PCDHGB4: variants seen among roughly 807,000 people sequenced by gnomAD.
The protein encoded by PCDHGB4 is protocadherin gamma-B4.
A neutral mutation model predicts 60.5 loss-of-function variants in PCDHGB4; 38 were observed. The ratio of observed to expected loss-of-function variants is 0.63; its 90% CI spans 0.48 to 0.82. PCDHGB4 has a LOEUF of 0.82. Among genes scored for constraint, PCDHGB4 ranks in the 40% least tolerant of loss-of-function variants. The probability of loss-of-function intolerance (pLI) is 0.00; values close to 1 mark genes in which losing one functional copy is unlikely to be tolerated. For synonymous variants in PCDHGB4, 456 were observed against 509.7 expected, an observed-to-expected ratio of 0.89 and a Z score of 1.42; for missense variants, 1,109 against 1,209.6, an observed-to-expected ratio of 0.92 and a Z score of 1.23.
chr5:141,403,388 G>A (rs1376620471), intron 1 of PCDHGB4: 1 of 1,613,904 alleles, frequency 6.2e-7, no homozygotes, highest in African/African-American at 1.3e-5. Context: ...TAACGAAATC[G>A]CGGTTCCTGG....
intron 1 of PCDHGB4, chr5:141,440,036 A>T (rs540100930): frequency 6.5e-6 from 1 of 153,058 alleles, no homozygotes; most frequent in Non-Finnish European, 1.5e-5. Context: ...TGTCGAGGAC[A>T]TGCCCACTTG....
At chr5:141,472,412 G>C (rs1283620276) in intron 1 of PCDHGB4, among the ~76,000 whole-genome samples, 1 of 152,058 alleles carries the variant, frequency 6.6e-6, no homozygotes, top group Non-Finnish European at 1.5e-5. Context: ...GTGGTGGCAC[G>C]CACCTGTATC....
At chr5:141,409,755 G>C (rs2095312141) in intron 1 of PCDHGB4, 1 of 1,613,024 alleles carries the variant, frequency 6.2e-7, no homozygotes, top group Non-Finnish European at 8.5e-7. Flanking sequence ...TTCGCGCAGC[G>C]CGCCTTTGAT....
intron 2 of PCDHGB4, among the ~76,000 whole-genome samples, chr5:141,495,507 C>T (rs1380258502): frequency 6.6e-6 from 1 of 152,188 alleles, no homozygotes; most frequent in African/African-American, 2.4e-5. Context: ...TCCGTCTTTG[C>T]CACTTTCTCT....
chr5:141,467,084 A>T, intron 1 of PCDHGB4, among the ~76,000 whole-genome samples: 1 of 142,674 alleles, frequency 7.0e-6, no homozygotes, highest in African/African-American at 2.6e-5. Context: ...ACCAAGTCTC[A>T]CTCTGTCACA....
rs995968509 is a variant in PCDHGB4, at chr5:141,477,065, C to T, written c.2398-17742C>T. ...TCGGCTGGACTTCGAGGACACCAAA[C>T]TCCATGAGATTTACATCCAGGCCAA... On this transcript the variant is annotated intron_variant, in intron 1 of 3. Coordinates refer to ENST00000519479, the MANE Select transcript of PCDHGB4 (RefSeq NM_003736.4). The surrounding 1 kb of genome is among the most constrained non-coding windows in gnomAD (Gnocchi z 4.9). 15 of 1,614,144 alleles carry T rather than the reference C, an allele frequency of 9.3e-6. No homozygotes were observed. The highest frequency in any genetic ancestry group is 3.3e-5 in the Admixed American group (2 of 60,018).
At chr5:141,420,215 A>G in intron 1 of PCDHGB4, 2 of 1,612,096 alleles carry the variant, frequency 1.2e-6, no homozygotes, top group South Asian at 1.1e-5. Context: ...CAAAGATAGC[A>G]TGCTACTGGC....
intron 1 of PCDHGB4, among the ~76,000 whole-genome samples, chr5:141,451,498 C>A (rs2098717552): frequency 6.6e-6 from 1 of 152,208 alleles, no homozygotes; most frequent in South Asian, 2.1e-4. Flanking sequence ...CTCCATAGGG[C>A]AACCAGCTTC....
Position 141,428,338 on chromosome 5 carries a change from T to C in PCDHGB4, c.2397+38057T>C, listed in dbSNP as rs575215422. 427 of 592,394 alleles carry C rather than the reference T, an allele frequency of 7.2e-4. 1 individual carries two copies. The highest frequency in any genetic ancestry group is 1.3e-3 in the Non-Finnish European group (409 of 326,444). 36.7% of individuals were successfully genotyped at this position (592,394 alleles called of 1,614,324 possible). ...CTTGGCCTTGATTTCTATGCTCTTC[T>C]TCCTCGCAGTGATTTTGGCGGTCGC... On this transcript the variant is annotated intron_variant, in intron 1 of 3. Coordinates refer to ENST00000519479, the MANE Select transcript of PCDHGB4 (RefSeq NM_003736.4).
chr5:141,393,937 A>T, intron 1 of PCDHGB4: 1 of 1,613,906 alleles, frequency 6.2e-7, no homozygotes, highest in Non-Finnish European at 8.5e-7. Context: ...CATGACCAAG[A>T]CTCTGGAAAG....
rs1369821635 is a variant in PCDHGB4, at chr5:141,512,208, G to T, written c.*1035G>T. ...TTCAGTCCAAGGAAGCTCGAAGCAG[G>T]TTTAGGACCAGGTCCCCTTGAGAGG... On this transcript the variant is annotated 3_prime_UTR_variant, in exon 4 of 4. Coordinates refer to ENST00000519479, the MANE Select transcript of PCDHGB4 (RefSeq NM_003736.4). 6.5e-6 allele frequency: 1 copy of T among 152,758 alleles called. No homozygotes were observed. The highest frequency in any genetic ancestry group is 2.4e-5 in the African/African-American group (1 of 41,454). The allele number at this position is 152,758 out of a possible 1,614,324, so 9.5% of individuals were successfully genotyped here.
chr5:141,430,583 C>A, intron 1 of PCDHGB4: 1 of 490,378 alleles, frequency 2.0e-6, no homozygotes, highest in Non-Finnish European at 3.4e-6. Flanking sequence ...AGATCCTGCT[C>A]GCCTTGCACG....
chr5:141,442,343 G>C (rs1300318674), intron 1 of PCDHGB4: 1 of 152,336 alleles, frequency 6.6e-6, no homozygotes, highest in Non-Finnish European at 1.5e-5. Flanking sequence ...CAGGTTTCTG[G>C]GTAACTGTAG....
chr5:141,395,556 G>A (rs1041230837), intron 1 of PCDHGB4: 1 of 97,434 alleles, frequency 1.0e-5, no homozygotes, highest in East Asian at 1.8e-4. Context: ...GTGTGTGTGT[G>A]TGTGTGTGTG....
intron 1 of PCDHGB4, among the ~76,000 whole-genome samples, chr5:141,471,163 G>GC (rs202115056): frequency 0.11 from 16,237 of 150,562 alleles, 892 homozygotes; most frequent in South Asian, 0.15. Context: ...GATTCTCCTG[G>GC]CTCAGCCTCC....
At chr5:141,392,760 A>C in intron 1 of PCDHGB4, 1 of 1,475,092 alleles carries the variant, frequency 6.8e-7, no homozygotes, top group Non-Finnish European at 9.0e-7. Context: ...GAAACTAAAT[A>C]AGACCCATTT....
chr5:141,491,726 C>T lies in PCDHGB4; in HGVS notation c.2398-3081C>T. On this transcript the variant is annotated intron_variant, in intron 1 of 3. Transcript: ENST00000519479. This position sits in a 1 kb window ranked among gnomAD's most constrained non-coding sequence, Gnocchi z 6.9. ...GTGAGGGGCTCGGCGCCGCCCCGGG[C>T]GACCCCTGGGGGCGGCACTGGAGAA... The T allele has an allele frequency of 6.2e-7, 1 of 1,605,884 alleles. No individual in the cohort carries two copies. Among genetic ancestry groups the T allele is most frequent in the East Asian group, 2.2e-5 (1 of 44,600 alleles).
rs114740440 is a variant in PCDHGB4 at position 141,426,595 on chromosome 5, C to T, written c.2397+36314C>T. The T allele has an allele frequency of 4.0e-3, 1,518 of 375,912 alleles. 5 individuals carry two copies. Among genetic ancestry groups the T allele is most frequent in the Non-Finnish European group, 5.9e-3 (1,105 of 185,722 alleles). 23.3% of individuals were successfully genotyped at this position (375,912 alleles called of 1,614,324 possible). ...GTCTTCAAAATCCTCTGTGTCATAC[C>T]CTTAGAGATTGTAGCAGAGAATCCT... On this transcript the variant is annotated intron_variant, in intron 1 of 3. Coordinates refer to ENST00000519479, the MANE Select transcript of PCDHGB4 (RefSeq NM_003736.4).
intron 1 of PCDHGB4, chr5:141,418,650 T>A (rs764145825): frequency 5.0e-6 from 8 of 1,613,898 alleles, no homozygotes; most frequent in South Asian, 2.2e-5. Flanking sequence ...ATCCTGAGAG[T>A]GAAGGCCACT....
Sources: allele counts gnomAD v4.1 joint callset (sites outside exome capture counted in the v4.1 genomes callset), GRCh38; gene constraint gnomAD v4.1.1; non-coding constraint Gnocchi (gnomAD v3.1); transcripts MANE v1.5; gene names NCBI Gene and HGNC (gene_info 2026-07-23, HGNC 2026-07-21).